PTPRT: variants seen among roughly 807,000 people sequenced by gnomAD.
The protein encoded by PTPRT is receptor-type tyrosine-protein phosphatase T.
Under a neutral mutation model 176.8 loss-of-function variants are expected in PTPRT, and 56 were observed. The observed-to-expected ratio is 0.32, with a 90% CI of 0.26 to 0.40. PTPRT has a LOEUF of 0.40. PTPRT is among the 10% of genes least tolerant of loss of function. The pLI is 1.00. For synonymous variants in PTPRT, 783 were observed against 739.0 expected, an observed-to-expected ratio of 1.06 and a Z score of -0.96; for missense variants, 1,540 against 1,908.2, an observed-to-expected ratio of 0.81 and a Z score of 3.60.
At chr20:42,466,148 G>A (rs2071098561) in intron 8 of PTPRT, among the ~76,000 whole-genome samples, 1 of 152,128 alleles carries the variant, frequency 6.6e-6, no homozygotes, top group Non-Finnish European at 1.5e-5. Flanking sequence ...TCTTTATCCA[G>A]TCTATCATTG....
intron 1 of PTPRT, among the ~76,000 whole-genome samples, chr20:42,932,875 G>A (rs1979951436): frequency 6.6e-6 from 1 of 152,178 alleles, no homozygotes; most frequent in African/African-American, 2.4e-5. Context: ...AATGCAAAAT[G>A]GCAAGCAGTA....
intron 11 of PTPRT, among the ~76,000 whole-genome samples, chr20:42,335,717 G>A (rs547531652): frequency 2.0e-5 from 3 of 152,272 alleles, no homozygotes; most frequent in African/African-American, 4.8e-5. Context: ...AGGGGAAAAA[G>A]AGTATTTAAA....
In PTPRT at chr20:42,802,626, G is replaced by A. The variant is rs145172093; in HGVS notation, c.215-11160C>T. ...TGACAGCTTATTTTTTTAACGTAAA[G>A]GTATTTTTTTCTTCTAAGATTGGAA... On this transcript the variant is annotated intron_variant, in intron 2 of 30. Coordinates refer to ENST00000373187, the MANE Select transcript of PTPRT (RefSeq NM_007050.6). Among the ~76,000 whole-genome samples the A allele has an allele frequency of 3.0e-3, 453 of 152,284 alleles. 2 individuals carry two copies. Among genetic ancestry groups the A allele is most frequent in the African/African-American group, 0.011 (438 of 41,558 alleles).
rs1396029948 is a variant in PTPRT, at chr20:42,798,186, C to T, written c.215-6720G>A. 3.3e-5 allele frequency among the ~76,000 whole-genome samples: 5 copies of T among 152,212 alleles called. No individual in the cohort carries two copies. In the East Asian group the frequency reaches 9.6e-4, roughly 29 times the overall value. ...TTAAACTACTTAAATATCACTTTCC[C>T]TACATGGCTTTCACTAATGTCCAGG... On this transcript the variant is annotated intron_variant, in intron 2 of 30. Transcript: ENST00000373187.
chr20:42,863,702 A>T (rs1260201704), intron 2 of PTPRT, among the ~76,000 whole-genome samples: 2 of 152,166 alleles, frequency 1.3e-5, no homozygotes, highest in Admixed American at 1.3e-4. Flanking sequence ...CCATCCCCTA[A>T]CCTGACTCCC....
At chr20:42,472,860 C>T (rs1193013540) in intron 7 of PTPRT, among the ~76,000 whole-genome samples, 6 of 152,116 alleles carry the variant, frequency 3.9e-5, no homozygotes, top group Non-Finnish European at 8.8e-5. Context: ...CTTAAGGGTG[C>T]ATCAAAGTGC....
intron 17 of PTPRT, among the ~76,000 whole-genome samples, chr20:42,146,545 G>A (rs754218038): frequency 4.6e-5 from 7 of 152,164 alleles, no homozygotes; most frequent in Non-Finnish European, 1.0e-4. Flanking sequence ...CAGACTCTCT[G>A]GGGTGGGACA....
chr20:42,561,833 G>T (rs1477150400), intron 7 of PTPRT, among the ~76,000 whole-genome samples: 1 of 152,208 alleles, frequency 6.6e-6, no homozygotes, highest in Non-Finnish European at 1.5e-5. Context: ...TTCCACATTT[G>T]TGCTAGATTT....
chr20:42,744,544 G>A (rs933601912), intron 6 of PTPRT, among the ~76,000 whole-genome samples: 4 of 152,142 alleles, frequency 2.6e-5, no homozygotes, highest in Non-Finnish European at 5.9e-5. Flanking sequence ...AGCCTGTGGG[G>A]GTTTCTAATG....
At chr20:42,666,952 C>G (rs1049151850) in intron 7 of PTPRT, among the ~76,000 whole-genome samples, 1 of 152,118 alleles carries the variant, frequency 6.6e-6, no homozygotes, top group Non-Finnish European at 1.5e-5. Context: ...GCTATAAGAA[C>G]GTTTTCTTCT....
chr20:42,226,120 C>T (rs1029946726), intron 15 of PTPRT, among the ~76,000 whole-genome samples: 31 of 152,140 alleles, frequency 2.0e-4, no homozygotes, highest in African/African-American at 6.3e-4. Context: ...TATTTTGTAA[C>T]GTTTTATTAA....
intron 1 of PTPRT, among the ~76,000 whole-genome samples, chr20:42,929,739 G>A (rs73907403): frequency 0.053 from 8,133 of 152,226 alleles, 575 homozygotes; most frequent in African/African-American, 0.16. Context: ...AATCAATTCT[G>A]CAAAATAATA....
chr20:42,357,567 G>C (rs1283214801), intron 9 of PTPRT, among the ~76,000 whole-genome samples: 2 of 152,168 alleles, frequency 1.3e-5, no homozygotes, highest in Non-Finnish European at 2.9e-5. Flanking sequence ...ACTCCTGGAA[G>C]ACAAGCCATT....
chr20:42,179,424 T>A (rs1990424352), intron 16 of PTPRT, among the ~76,000 whole-genome samples: 1 of 152,216 alleles, frequency 6.6e-6, no homozygotes, highest in African/African-American at 2.4e-5. Context: ...TTGACAACAA[T>A]CTTTAATCGT....
chr20:42,086,052 A>G (rs1983872507), intron 27 of PTPRT, among the ~76,000 whole-genome samples, 199 bp from the exon 28 acceptor site: 1 of 151,020 alleles, frequency 6.6e-6, no homozygotes, highest in South Asian at 2.1e-4. Context: ...GGTTCAAGTG[A>G]TTCTCCTGCC....
chr20:43,120,760 T>C (rs2013229744), intron 1 of PTPRT, among the ~76,000 whole-genome samples: 1 of 152,228 alleles, frequency 6.6e-6, no homozygotes, highest in Non-Finnish European at 1.5e-5. Flanking sequence ...ACTGCCAGTC[T>C]TACTGCTTCC....
intron 1 of PTPRT, among the ~76,000 whole-genome samples, chr20:42,986,852 C>G (rs1417333404): frequency 6.6e-6 from 1 of 152,188 alleles, no homozygotes; most frequent in Non-Finnish European, 1.5e-5. Flanking sequence ...GAGAGCTGTA[C>G]AGTGGGGGCT....
At chr20:42,660,232 C>T (rs1471092528) in intron 7 of PTPRT, among the ~76,000 whole-genome samples, 1 of 152,118 alleles carries the variant, frequency 6.6e-6, no homozygotes, top group Non-Finnish European at 1.5e-5. Flanking sequence ...ATTATGTCTA[C>T]AAGTTCAGAA....
rs563725738 is a variant in PTPRT at position 43,143,802 on chromosome 20, C to T, written c.88+45844G>A. 2.6e-5 allele frequency among the ~76,000 whole-genome samples: 4 copies of T among 152,296 alleles called. No homozygotes were observed. In the East Asian group the frequency reaches 5.8e-4, roughly 22 times the overall value. On this transcript the variant is annotated intron_variant, in intron 1 of 30. Transcript: ENST00000373187. ...CAAGGGACCTTGCTTGATGTGGGCA[C>T]TTCCATCAAAAATGGCCATTCAACT...
Sources: allele counts gnomAD v4.1 joint callset (sites outside exome capture counted in the v4.1 genomes callset), GRCh38; gene constraint gnomAD v4.1.1; transcripts MANE v1.5; gene names NCBI Gene and HGNC (gene_info 2026-07-23, HGNC 2026-07-21).